Variants in SF3B1 observed in about 807,000 individuals in gnomAD.
SF3B1 encodes pre-mRNA processing 10.
A neutral mutation model predicts 153.8 loss-of-function variants in SF3B1; 12 were observed. The observed-to-expected ratio is 0.08, with a 90% confidence interval of 0.05 to 0.13. The LOEUF (loss-of-function observed/expected upper bound fraction) is 0.13, where lower values mean the gene tolerates loss of function less well. Ranked by LOEUF, SF3B1 falls within the 10% of genes least tolerant of loss-of-function variation. The pLI, the probability that SF3B1 is intolerant of heterozygous loss-of-function variation, is 1.00. For synonymous variants in SF3B1, 498 were observed against 525.2 expected, an observed-to-expected ratio of 0.95 and a Z score of 0.71; for missense variants, 513 against 1,606.1, an observed-to-expected ratio of 0.32 and a Z score of 11.63.
intron 1 of SF3B1, among the ~76,000 whole-genome samples, chr2:197,430,862 C>T (rs1231605319): frequency 1.3e-5 from 2 of 151,900 alleles, no homozygotes; most frequent in South Asian, 2.1e-4. Context: ...TAGCGCCAGC[C>T]GCTCTCTACT....
chr2:197,397,273 C>T (rs187818031), intron 22 of SF3B1, among the ~76,000 whole-genome samples: 1 of 152,184 alleles, frequency 6.6e-6, no homozygotes, highest in East Asian at 1.9e-4. Context: ...TAACCTTGAA[C>T]TCCTGGGCTC....
At chr2:197,425,490 CAAAT>C (rs1283559543) in intron 1 of SF3B1, among the ~76,000 whole-genome samples, 6 of 151,392 alleles carry the variant, frequency 4.0e-5, no homozygotes, top group Non-Finnish European at 8.8e-5. Context: ...ATAAATAAAT[CAAAT>C]AAAAAATAAA....
chr2:197,399,336 A>C (rs918413551), intron 20 of SF3B1, among the ~76,000 whole-genome samples: 3 of 152,240 alleles, frequency 2.0e-5, no homozygotes, highest in Admixed American at 6.5e-5. Context: ...GCTCTCTCAC[A>C]GTCAGCTATT....
chr2:197,432,147 T>A (rs770649206), intron 1 of SF3B1, among the ~76,000 whole-genome samples: 1 of 152,046 alleles, frequency 6.6e-6, no homozygotes, highest in African/African-American at 2.4e-5. Flanking sequence ...GGAAAAAATA[T>A]ATAGATCAGC....
intron 4 of SF3B1, 123 bp from the exon 5 acceptor site, chr2:197,418,711 TG>T (rs2085193980): frequency 1.4e-6 from 2 of 1,450,182 alleles, no homozygotes; most frequent in African/African-American, 2.9e-5. Flanking sequence ...TATTTTTTGA[TG>T]GAAAACTTTA....
chr2:197,429,447 G>A (rs920644474), intron 1 of SF3B1, among the ~76,000 whole-genome samples: 1 of 152,154 alleles, frequency 6.6e-6, no homozygotes, highest in Admixed American at 6.5e-5. Context: ...TAAGGCTACT[G>A]TAAACATTTG....
Position 197,400,019 on chromosome 2 carries a change from C to T in SF3B1, c.3013+36G>A, listed in dbSNP as rs2084922306. The T allele has an allele frequency of 2.3e-6, 3 of 1,321,250 alleles. No individual in the cohort carries two copies. Among genetic ancestry groups the T allele is most frequent in the Non-Finnish European group, 2.1e-6 (2 of 941,046 alleles). The allele number at this position is 1,321,250 out of a possible 1,614,324, so 81.8% of individuals were successfully genotyped here. The stretch of plus-strand genomic sequence containing the variant: ...AAAAAAAAGAAAAAGAAAGTTAAAA[C>T]AAGAAAAAGTCTTATGTAACCAGCA... On this transcript the variant is annotated intron_variant, in intron 20 of 24. Transcript: ENST00000335508. This position sits in a 1 kb window ranked among gnomAD's most constrained non-coding sequence, Gnocchi z 5.0.
Position 197,408,518 on chromosome 2 carries a change from A to G in SF3B1, c.968T>C (p.Ile323Thr). 6.2e-7 allele frequency: 1 copy of G among 1,613,484 alleles called. No individual in the cohort carries two copies. Among genetic ancestry groups the G allele is most frequent in the Non-Finnish European group, 8.5e-7 (1 of 1,179,952 alleles). ...GGCTCCAGGAGTCGGTGTTTCACCA[A>G]TAGAATCTCCACCTCGATCTGTTCG... ...TPRTDRGGDSIGETPTPGASK... is the reference protein window; with the variant it reads ...TPRTDRGGDSTGETPTPGASK... The change falls in exon 8 of 25, where the codon ATT (isoleucine) becomes ACT (threonine). Residue 323 changes from isoleucine (I) to threonine (T), a missense_variant. Ile to Thr is a moderately conservative substitution (Grantham distance 89, BLOSUM62 -1). This residue lies in a region of SF3B1 where 91 missense variants were observed against 157.4 expected (regional missense o/e 0.58). Coordinates refer to ENST00000335508, the MANE Select transcript of SF3B1 (RefSeq NM_012433.4).
intron 7 of SF3B1, 76 bp from the exon 8 acceptor site, chr2:197,408,657 T>C (rs1015440176): frequency 2.0e-6 from 2 of 995,296 alleles, no homozygotes; most frequent in Non-Finnish European, 1.6e-6. Context: ...CAAACAGTTA[T>C]ACTCAAAACT....
intron 21 of SF3B1, 29 bp from the exon 22 acceptor site, chr2:197,398,145 T>C (rs910809768): frequency 1.8e-5 from 28 of 1,550,616 alleles, no homozygotes; most frequent in Non-Finnish European, 2.3e-5. Flanking sequence ...ATATTAATTA[T>C]TGTGACATTA....
At chr2:197,433,807 A>G (rs1234693696) in intron 1 of SF3B1, among the ~76,000 whole-genome samples, 1 of 152,188 alleles carries the variant, frequency 6.6e-6, no homozygotes, top group Non-Finnish European at 1.5e-5. Context: ...TCACGATTCA[A>G]TACCTTGTTA....
At chr2:197,411,463 G>C (rs1350495261) in intron 6 of SF3B1, among the ~76,000 whole-genome samples, 5 of 151,610 alleles carry the variant, frequency 3.3e-5, no homozygotes, top group African/African-American at 1.2e-4. Context: ...CACAAGGTCA[G>C]GAGATAGAGA....
chr2:197,396,000 T>C, intron 23 of SF3B1, 56 bp downstream of exon 23: 1 of 1,451,416 alleles, frequency 6.9e-7, no homozygotes, highest in Non-Finnish European at 9.4e-7. Flanking sequence ...TTCACGATGT[T>C]CTAAAATGAA....
In SF3B1 at chr2:197,403,012, T is replaced by C. The variant is rs552733696; in HGVS notation, c.1743A>G (p.Leu581=). ...VHKILVVIEP[L]LIDEDYYARV... ...TAGCATAGTAATCTTCATCAATCAA[T>C]AGCGGTTCAATGACCACGAGGATCT... Residue 581 remains leucine (L), a synonymous_variant, in exon 13 of 25, where the codon CTA becomes CTG. Coordinates refer to ENST00000335508, the MANE Select transcript of SF3B1 (RefSeq NM_012433.4). 9 of 1,611,664 alleles carry C rather than the reference T, an allele frequency of 5.6e-6. No individual in the cohort carries two copies. The South Asian group carries it at 8.8e-5, about 16-fold the overall frequency.
intron 1 of SF3B1, among the ~76,000 whole-genome samples, chr2:197,425,271 GC>G (rs2085315835): frequency 6.6e-6 from 1 of 152,182 alleles, no homozygotes. Context: ...TTCAAGACCA[GC>G]CTGGCCAATG....
chr2:197,411,006 C>T (rs186836645), intron 6 of SF3B1, among the ~76,000 whole-genome samples: 15 of 152,202 alleles, frequency 9.9e-5, no homozygotes, highest in East Asian at 5.8e-4. Context: ...GGCACAATCA[C>T]GGCTCACTGC....
chr2:197,431,326 G>A (rs769387121), intron 1 of SF3B1, among the ~76,000 whole-genome samples: 3 of 151,740 alleles, frequency 2.0e-5, no homozygotes, highest in Non-Finnish European at 2.9e-5. Flanking sequence ...CACCACGTTG[G>A]CCAGGCTGGT....
chr2:197,412,178 C>G (rs1054543215), intron 6 of SF3B1, among the ~76,000 whole-genome samples: 2 of 150,570 alleles, frequency 1.3e-5, no homozygotes, highest in Non-Finnish European at 3.0e-5. Flanking sequence ...AAATAAAGCA[C>G]ACAAATTGTT....
rs2084896348 is a variant in SF3B1, at chr2:197,398,017, G to A, written c.3234C>T (p.Val1078=). 4.3e-6 allele frequency: 7 copies of A among 1,613,430 alleles called. No individual in the cohort carries two copies. Among genetic ancestry groups the A allele is most frequent in the South Asian group, 1.1e-5 (1 of 91,036 alleles). Residue 1078 remains valine, a synonymous_variant, in exon 22 of 25, where the codon GTC becomes GTT. Coordinates refer to ENST00000335508, the MANE Select transcript of SF3B1 (RefSeq NM_012433.4). The stretch of plus-strand genomic sequence containing the variant: ...CCTTTGCAATATAACCAAATGTGTT[G>A]ACTGTGGCTCTACGAATAGCCTTTT... ...AHKKAIRRAT[V]NTFGYIAKAI...
Sources: gnomAD v4.1 joint callset for allele counts (sites outside exome capture counted in the v4.1 genomes callset) on GRCh38, gnomAD v4.1.1 for gene constraint, gnomAD v4.1.1 regional missense constraint, Gnocchi (gnomAD v3.1) non-coding constraint, MANE v1.5 for transcripts, NCBI Gene and HGNC (gene_info 2026-07-23, HGNC 2026-07-21) for gene names.